Variants in WEE1 observed in about 807,000 individuals in gnomAD.
WEE1 encodes WEE1 G2 checkpoint kinase, also known as wee1-like protein kinase.
In WEE1, 16 loss-of-function variants were observed where a neutral mutation model predicts 68.8. That is an observed-to-expected ratio of 0.23 (90% CI 0.16 to 0.35). WEE1 has a LOEUF of 0.35. Ranked by LOEUF, WEE1 falls within the 10% of genes least tolerant of loss-of-function variation. The probability of loss-of-function intolerance (pLI) is 1.00; values close to 1 mark genes in which losing one functional copy is unlikely to be tolerated. For synonymous variants in WEE1, 349 were observed against 318.7 expected, an observed-to-expected ratio of 1.09 and a Z score of -1.01; for missense variants, 651 against 824.1, an observed-to-expected ratio of 0.79 and a Z score of 2.57.
In WEE1 at chr11:9,588,801, C is replaced by T; in HGVS notation, c.*199C>T. 1 of 1,190,550 alleles carries T rather than the reference C, an allele frequency of 8.4e-7. No individual in the cohort carries two copies. The highest frequency in any genetic ancestry group is 1.0e-6 in the Non-Finnish European group (1 of 956,426). 73.7% of individuals were successfully genotyped at this position (1,190,550 alleles called of 1,614,324 possible). A position where few individuals can be genotyped will look rare whatever the true frequency, so the allele number is the denominator to read the frequency against. On this transcript the variant is annotated 3_prime_UTR_variant, in exon 11 of 11. Transcript: ENST00000450114. ...CTTTCATCTAATCTTACCAGTCTGT[C>T]TTCTGTAGGATGTGTCACTGTTGGA...
At chr11:9,575,515 T>C in intron 1 of WEE1, 2 of 583,714 alleles carry the variant, frequency 3.4e-6, no homozygotes, top group South Asian at 4.0e-5. Context: ...CGGAGGTGGC[T>C]ATGGAAGCCC....
In WEE1 at chr11:9,588,375, C is replaced by G. The variant is rs1029255286; in HGVS notation, c.1788-74C>G. 9 of 1,051,480 alleles carry G rather than the reference C, an allele frequency of 8.6e-6. No individual in the cohort carries two copies. The African/African-American group carries it at 1.5e-4, about 17-fold the overall frequency. The allele number at this position is 1,051,480 out of a possible 1,614,324, so 65.1% of individuals were successfully genotyped here. A position where few individuals can be genotyped will look rare whatever the true frequency, so the allele number is the denominator to read the frequency against. On this transcript the variant is annotated intron_variant, in intron 10 of 10. Coordinates refer to ENST00000450114, the MANE Select transcript of WEE1 (RefSeq NM_003390.4). ...TGATGGCATGCAAATATCTCCCAAT[C>G]GACAATATAGTTTGTGTTAGTTTCT... is the stretch of plus-strand genomic sequence containing the variant.
At chr11:9,577,726 C>T (rs1398573586) in intron 5 of WEE1, 1 of 335,364 alleles carries the variant, frequency 3.0e-6, no homozygotes, top group Non-Finnish European at 5.8e-6. Flanking sequence ...TGTAGTCCGG[C>T]CCTACTCCCA....
chr11:9,587,941 A>T (rs1849719434), intron 10 of WEE1, among the ~76,000 whole-genome samples: 1 of 151,230 alleles, frequency 6.6e-6, no homozygotes, highest in South Asian at 2.1e-4. Flanking sequence ...TTCGCAATAT[A>T]AATTGGAGTT....
chr11:9,576,762 G>A lies in WEE1; in HGVS notation c.1019+103G>A. On this transcript the variant is annotated intron_variant, in intron 4 of 10. Transcript: ENST00000450114. This position sits in a 1 kb window ranked among gnomAD's most constrained non-coding sequence, Gnocchi z 4.3. ...ACTGAATTCCATCTCTAACTTTTGAGAAGCTGTAATGATTTAATCAGGTCC... is the reference window on the plus strand; with the variant it reads ...ACTGAATTCCATCTCTAACTTTTGAAAAGCTGTAATGATTTAATCAGGTCC... The A allele has an allele frequency of 1.6e-6, 2 of 1,249,176 alleles. No homozygotes were observed. Among genetic ancestry groups the A allele is most frequent in the Non-Finnish European group, 2.2e-6 (2 of 903,958 alleles). 77.4% of individuals were successfully genotyped at this position (1,249,176 alleles called of 1,614,324 possible). A position where few individuals can be genotyped will look rare whatever the true frequency, so the allele number is the denominator to read the frequency against.
At chr11:9,588,313 G>A (rs1222037074) in intron 10 of WEE1, 136 bp from the exon 11 acceptor site, 6 of 538,062 alleles carry the variant, frequency 1.1e-5, no homozygotes, top group African/African-American at 3.9e-5. Flanking sequence ...AGAAGCTTCA[G>A]TTTCCTGTTT....
At chr11:9,579,303 C>T (rs953824376) in intron 5 of WEE1, 1 of 152,200 alleles carries the variant, frequency 6.6e-6, no homozygotes, top group African/African-American at 2.4e-5. Context: ...TTTCCTGTGT[C>T]CACCGTTCCT....
Position 9,574,288 on chromosome 11 carries a change from T to C in WEE1, c.355T>C (p.Phe119Leu). Residue 119 changes from phenylalanine (F) to leucine (L), a missense_variant, in exon 1 of 11, where the codon TTC becomes CTC. Phe to Leu is a conservative substitution (Grantham distance 22). Coordinates refer to ENST00000450114, the MANE Select transcript of WEE1 (RefSeq NM_003390.4). The surrounding 1 kb of genome is among the most constrained non-coding windows in gnomAD (Gnocchi z 4.9). ...GGGCGACTCGTGGGAGGAGGAGGGC[T>C]TCGGCTCCTCGTCGCCGGTCAAGTC... ...AEGDSWEEEG[F>L]GSSSPVKSPA... 8.0e-7 allele frequency: 1 copy of C among 1,254,368 alleles called. No homozygotes were observed. Among genetic ancestry groups the C allele is most frequent in the Non-Finnish European group, 1.0e-6 (1 of 999,338 alleles). The allele number at this position is 1,254,368 out of a possible 1,614,324, so 77.7% of individuals were successfully genotyped here.
Position 9,585,424 on chromosome 11 carries a change from G to A in WEE1, c.1385-18G>A, listed in dbSNP as rs1849689683. On this transcript the variant is annotated intron_variant, in intron 7 of 10. Transcript: ENST00000450114. ...GTTTTGTTTTTGCTCTTCACTGTAA[G>A]TTTTTCAATACTTCTAGGTGATCTT... 6.2e-7 allele frequency: 1 copy of A among 1,608,906 alleles called. No homozygotes were observed. Among genetic ancestry groups the A allele is most frequent in the Non-Finnish European group, 8.5e-7 (1 of 1,178,160 alleles).
Position 9,588,993 on chromosome 11 carries a change from A to C in WEE1, c.*391A>C. On this transcript the variant is annotated 3_prime_UTR_variant, in exon 11 of 11. Transcript: ENST00000450114. ...TGAAAAGGGACATGCTAAAAGACTCATTACTACTCAGCCTTCAATGTACCT... is the reference window on the plus strand; with the variant it reads ...TGAAAAGGGACATGCTAAAAGACTCCTTACTACTCAGCCTTCAATGTACCT... 8 of 986,730 alleles carry C rather than the reference A, an allele frequency of 8.1e-6. No homozygotes were observed. Among genetic ancestry groups the C allele is most frequent in the Non-Finnish European group, 9.6e-6 (8 of 830,496 alleles). The allele number at this position is 986,730 out of a possible 1,614,324, so 61.1% of individuals were successfully genotyped here.
At position 9,574,936 on chromosome 11, in the gene WEE1, A is replaced by C. The variant is rs1589976085; in HGVS notation, c.576+427A>C. ...CTGTAATTTGGGCGGCGCGGGCAGA[A>C]GGAGTTTAAAGAAAAATAATTGTCC... On this transcript the variant is annotated intron_variant, in intron 1 of 10. Transcript: ENST00000450114. This position sits in a 1 kb window ranked among gnomAD's most constrained non-coding sequence, Gnocchi z 4.9. 1 of 985,640 alleles carries C rather than the reference A, an allele frequency of 1.0e-6. No homozygotes were observed. The highest frequency in any genetic ancestry group is 6.1e-5 in the Admixed American group (1 of 16,274). 61.1% of individuals were successfully genotyped at this position (985,640 alleles called of 1,614,324 possible).
chr11:9,585,310 A>G lies in WEE1; in HGVS notation c.1341A>G (p.Gly447=), dbSNP rs1565090630. ...TSIPNAASEE[G]DEDDWASNKV... ...TCCCAAATGCTGCCTCTGAAGAAGG[A>G]GACGAAGATGATTGGGCATCCAACA... is the stretch of plus-strand genomic sequence containing the variant. The change falls in exon 7 of 11, where the codon GGA becomes GGG. Residue 447 remains glycine (G), a synonymous_variant. Coordinates refer to ENST00000450114, the MANE Select transcript of WEE1 (RefSeq NM_003390.4). The G allele has an allele frequency of 6.2e-7, 1 of 1,614,168 alleles. No individual in the cohort carries two copies.
intron 1 of WEE1, chr11:9,575,445 C>G (rs1258247795): frequency 3.0e-6 from 3 of 1,012,470 alleles, no homozygotes; most frequent in Non-Finnish European, 3.6e-6. Flanking sequence ...TCGAGCTGTA[C>G]TGTTTATTGG....
chr11:9,585,491 C>A lies in WEE1; in HGVS notation c.1434C>A (p.Gly478=). 6.3e-7 allele frequency: 1 copy of A among 1,596,822 alleles called. No homozygotes were observed. The highest frequency in any genetic ancestry group is 8.5e-7 in the Non-Finnish European group (1 of 1,175,574). The change falls in exon 8 of 11, where the codon GGC becomes GGA. Residue 478 remains glycine, a synonymous_variant. Coordinates refer to ENST00000450114, the MANE Select transcript of WEE1 (RefSeq NM_003390.4). ...TRISSPQVEE[G]DSRFLANEVL... is the part of the protein sequence containing the mutation. ...TCTCCAGTCCACAAGTTGAAGAGGG[C>A]GATAGTCGTTTTCTTGCAAATGAAG...
rs776776793 is a variant in WEE1, at chr11:9,588,638, CA to C, written c.*38del. ...TCCCACCTCCCCCTGAACACTGTGA[CA>C]AGAGGAAGCTAGGTTGAAATCACTG... is the stretch of plus-strand genomic sequence containing the variant. On this transcript the variant is annotated 3_prime_UTR_variant, in exon 11 of 11. Coordinates refer to ENST00000450114, the MANE Select transcript of WEE1 (RefSeq NM_003390.4). The C allele has an allele frequency of 8.2e-6, 12 of 1,464,080 alleles. No individual in the cohort carries two copies. In the South Asian group the frequency reaches 1.6e-4, roughly 20 times the overall value. 90.7% of individuals were successfully genotyped at this position (1,464,080 alleles called of 1,614,324 possible).
At chr11:9,580,834 T>G (rs912582250) in intron 5 of WEE1, 35 of 152,340 alleles carry the variant, frequency 2.3e-4, no homozygotes, top group Middle Eastern at 3.4e-3. Context: ...TATATTGGTA[T>G]AGAGTGATCT....
chr11:9,574,283 A>C lies in WEE1; in HGVS notation c.350A>C (p.Glu117Ala). 8.0e-7 allele frequency: 1 copy of C among 1,246,540 alleles called. No homozygotes were observed. The highest frequency in any genetic ancestry group is 1.0e-6 in the Non-Finnish European group (1 of 994,890). The allele number at this position is 1,246,540 out of a possible 1,614,324, so 77.2% of individuals were successfully genotyped here. A position where few individuals can be genotyped will look rare whatever the true frequency, so the allele number is the denominator to read the frequency against. The change falls in exon 1 of 11, where the codon GAG becomes GCG. Residue 117 changes from glutamate to alanine, a missense_variant. Around this residue, in one of 5 missense-constraint regions of WEE1, gnomAD observed 395 missense variants for 378.4 expected, o/e 1.04. Coordinates refer to ENST00000450114, the MANE Select transcript of WEE1 (RefSeq NM_003390.4). This position sits in a 1 kb window ranked among gnomAD's most constrained non-coding sequence, Gnocchi z 4.9. ...GGAEGDSWEE[E>A]GFGSSSPVKS... ...GCGGAGGGCGACTCGTGGGAGGAGGAGGGCTTCGGCTCCTCGTCGCCGGTC... is the reference window on the plus strand; with the variant it reads ...GCGGAGGGCGACTCGTGGGAGGAGGCGGGCTTCGGCTCCTCGTCGCCGGTC...
rs898582113 is a variant in WEE1 at position 9,585,253 on chromosome 11, G to A, written c.1289-5G>A. On this transcript the variant is annotated splice_region_variant and splice_polypyrimidine_tract_variant and intron_variant, in intron 6 of 10. Transcript: ENST00000450114. ...GTTTGGCTTACATAATTAACTGTTT[G>A]ACAGGTAATATTTTCATATCTCGAA... is the stretch of plus-strand genomic sequence containing the variant. 6.2e-7 allele frequency: 1 copy of A among 1,603,014 alleles called. No individual in the cohort carries two copies. The highest frequency in any genetic ancestry group is 1.3e-5 in the African/African-American group (1 of 74,616).
At position 9,589,068 on chromosome 11, in the gene WEE1, A is replaced by T; in HGVS notation, c.*466A>T. ...TTTTTTAATTGTGAATTAGACTTGT[A>T]TATCCCACTGGGAGCACTTTGTAGG... is the stretch of plus-strand genomic sequence containing the variant. On this transcript the variant is annotated 3_prime_UTR_variant, in exon 11 of 11. Transcript: ENST00000450114. 1.0e-6 allele frequency: 1 copy of T among 985,592 alleles called. No homozygotes were observed. The highest frequency in any genetic ancestry group is 1.2e-6 in the Non-Finnish European group (1 of 829,882). The allele number at this position is 985,592 out of a possible 1,614,324, so 61.1% of individuals were successfully genotyped here.
Sources: allele counts gnomAD v4.1 joint callset (sites outside exome capture counted in the v4.1 genomes callset), GRCh38; gene constraint gnomAD v4.1.1; regional missense constraint gnomAD v4.1.1; non-coding constraint Gnocchi (gnomAD v3.1); transcripts MANE v1.5; gene names NCBI Gene and HGNC (gene_info 2026-07-23, HGNC 2026-07-21).